ARFGEF3: variants seen among roughly 807,000 people sequenced by gnomAD.
ARFGEF3 encodes brefeldin A-inhibited guanine nucleotide-exchange protein 3.
In ARFGEF3, 96 loss-of-function variants were observed where a neutral mutation model predicts 221.7. The ratio of observed to expected loss-of-function variants is 0.43; its 90% CI spans 0.37 to 0.51. The LOEUF (loss-of-function observed/expected upper bound fraction) is 0.51, where lower values mean the gene tolerates loss of function less well. ARFGEF3 is among the 20% of genes least tolerant of loss of function. The pLI is 0.00. For synonymous variants in ARFGEF3, 1,145 were observed against 1,126.8 expected (o/e 1.02, Z -0.32); for missense variants, 2,410 against 2,789.9 (o/e 0.86, Z 3.07).
At chr6:138,275,052 A>G (rs1043204668) in intron 12 of ARFGEF3, among the ~76,000 whole-genome samples, 4 of 152,162 alleles carry the variant, frequency 2.6e-5, no homozygotes, top group African/African-American at 9.7e-5. Flanking sequence ...GGTTGCAGTG[A>G]GCTGAGATTG....
intron 22 of ARFGEF3, among the ~76,000 whole-genome samples, chr6:138,306,575 AGT>A (rs1040193123): frequency 2.0e-5 from 3 of 151,834 alleles, no homozygotes; most frequent in South Asian, 4.2e-4. Context: ...TAATAAACAC[AGT>A]GTGGTATTGG....
At chr6:138,299,997 G>A (rs985323185) in intron 22 of ARFGEF3, among the ~76,000 whole-genome samples, 2 of 150,820 alleles carry the variant, frequency 1.3e-5, no homozygotes, top group Non-Finnish European at 3.0e-5. Flanking sequence ...GTCAACTCAG[G>A]CTACAAAAGA....
Position 138,218,182 on chromosome 6 carries a change from A to G in ARFGEF3, c.351+8141A>G, listed in dbSNP as rs376330598. ...ATTGCATGGTGTGACTGTTCTATGG[A>G]ATAATCAATGAACTCTGTTGCCTTT... On this transcript the variant is annotated intron_variant, in intron 4 of 33. Coordinates refer to ENST00000251691, the MANE Select transcript of ARFGEF3 (RefSeq NM_020340.5). 11 of 1,613,788 alleles carry G rather than the reference A, an allele frequency of 6.8e-6. No individual in the cohort carries two copies. In the East Asian group the frequency reaches 2.0e-4, roughly 29 times the overall value.
intron 2 of ARFGEF3, among the ~76,000 whole-genome samples, chr6:138,183,640 G>A: frequency 6.6e-6 from 1 of 152,144 alleles, no homozygotes; most frequent in Admixed American, 6.5e-5. Context: ...GAAATGCAAT[G>A]AGGAACAGGA....
At chr6:138,333,569 G>C (rs1182672562) in intron 32 of ARFGEF3, among the ~76,000 whole-genome samples, 1 of 152,024 alleles carries the variant, frequency 6.6e-6, no homozygotes, top group East Asian at 1.9e-4. Context: ...AGCCTCCCTA[G>C]TAAGCTGGGA....
At chr6:138,218,336 T>A in intron 4 of ARFGEF3, 1 of 1,556,320 alleles carries the variant, frequency 6.4e-7, no homozygotes. Context: ...TTCTGATCTG[T>A]AAAATGTGAA....
In ARFGEF3 at chr6:138,324,109, A is replaced by G; in HGVS notation, c.4956A>G (p.Pro1652=). ...GAGTGGCGGCCCCGTCCTCCTCCCCAAGTGCCGAGGCCGAGTACTGGCGCA... is the reference window on the plus strand; with the variant it reads ...GAGTGGCGGCCCCGTCCTCCTCCCCGAGTGCCGAGGCCGAGTACTGGCGCA... ...QVRVAAPSSS[P]SAEAEYWRIR... The change falls in exon 31 of 34, where the codon CCA becomes CCG. Residue 1652 remains proline, a synonymous_variant. Coordinates refer to ENST00000251691, the MANE Select transcript of ARFGEF3 (RefSeq NM_020340.5). 1 of 1,613,752 alleles carries G rather than the reference A, an allele frequency of 6.2e-7. No individual in the cohort carries two copies. The highest frequency in any genetic ancestry group is 8.5e-7 in the Non-Finnish European group (1 of 1,179,850).
chr6:138,221,729 A>C (rs1435901773), intron 4 of ARFGEF3, among the ~76,000 whole-genome samples: 2 of 152,248 alleles, frequency 1.3e-5, no homozygotes, highest in African/African-American at 4.8e-5. Flanking sequence ...TGCTAAGGGC[A>C]TATCTGATGA....
At chr6:138,225,122 A>G (rs1329627182) in intron 4 of ARFGEF3, among the ~76,000 whole-genome samples, 1 of 152,198 alleles carries the variant, frequency 6.6e-6, no homozygotes, top group Non-Finnish European at 1.5e-5. Flanking sequence ...CACGGGAACA[A>G]CTAGGATCTG....
rs1779401653 is a variant in ARFGEF3 at position 138,291,375 on chromosome 6, G to A, written c.3048-358G>A. On this transcript the variant is annotated intron_variant, in intron 18 of 33. Coordinates refer to ENST00000251691, the MANE Select transcript of ARFGEF3 (RefSeq NM_020340.5). The surrounding 1 kb of genome is among the most constrained non-coding windows in gnomAD (Gnocchi z 4.5). ...TCAGAGCACTATATGGAGGGAAAGA[G>A]GGTGCCTGGGGAAAAATGGCTCAAA... is the stretch of plus-strand genomic sequence containing the variant. Among the ~76,000 whole-genome samples the A allele has an allele frequency of 6.6e-6, 1 of 152,166 alleles. No homozygotes were observed. The highest frequency in any genetic ancestry group is 1.5e-5 in the Non-Finnish European group (1 of 68,028).
chr6:138,296,775 G>A (rs1023177266), intron 20 of ARFGEF3, 35 bp from the exon 21 acceptor site: 2 of 1,605,302 alleles, frequency 1.2e-6, no homozygotes, highest in Non-Finnish European at 1.7e-6. Context: ...TCTGAGTTTT[G>A]GCTTTCTGGC....
intron 5 of ARFGEF3, among the ~76,000 whole-genome samples, chr6:138,232,278 A>T (rs535375676): frequency 6.6e-6 from 1 of 152,196 alleles, no homozygotes; most frequent in Non-Finnish European, 1.5e-5. Context: ...AGGCCGAGAC[A>T]GGCGGATCAC....
At position 138,201,189 on chromosome 6, in the gene ARFGEF3, G is replaced by A. The variant is rs1777529199; in HGVS notation, c.138-5853G>A. 2.6e-5 allele frequency among the ~76,000 whole-genome samples: 4 copies of A among 152,236 alleles called. No individual in the cohort carries two copies. The South Asian group carries it at 6.2e-4, about 24-fold the overall frequency. ...AAAAGTAGATGTTTTTTGTGGATGT[G>A]GTTATCAGGGAACACTTCTACACTG... On this transcript the variant is annotated intron_variant, in intron 2 of 33. Coordinates refer to ENST00000251691, the MANE Select transcript of ARFGEF3 (RefSeq NM_020340.5).
chr6:138,195,503 C>T (rs905223517), intron 2 of ARFGEF3, among the ~76,000 whole-genome samples: 1 of 152,036 alleles, frequency 6.6e-6, no homozygotes, highest in Non-Finnish European at 1.5e-5. Context: ...CAACCATGTA[C>T]GGTATATAAT....
chr6:138,185,534 T>C (rs566217225), intron 2 of ARFGEF3, among the ~76,000 whole-genome samples: 1 of 152,328 alleles, frequency 6.6e-6, no homozygotes, highest in Non-Finnish European at 1.5e-5. Context: ...CTTTTCTTCA[T>C]GTCTGGCTGT....
chr6:138,224,747 T>A (rs1317445437), intron 4 of ARFGEF3, among the ~76,000 whole-genome samples: 1 of 152,216 alleles, frequency 6.6e-6, no homozygotes, highest in Non-Finnish European at 1.5e-5. Flanking sequence ...GGTGTGTGTG[T>A]GTGCGTGTAT....
chr6:138,201,053 C>T (rs577293969), intron 2 of ARFGEF3, among the ~76,000 whole-genome samples: 18 of 152,054 alleles, frequency 1.2e-4, no homozygotes, highest in African/African-American at 3.4e-4. Flanking sequence ...TACAAATGGC[C>T]GACAAACATA....
At chr6:138,277,558 A>G (rs948808280) in intron 12 of ARFGEF3, among the ~76,000 whole-genome samples, 3 of 152,234 alleles carry the variant, frequency 2.0e-5, no homozygotes, top group African/African-American at 7.2e-5. Context: ...GAAAAGTTGT[A>G]TTAATAACTT....
Position 138,262,799 on chromosome 6 carries a change from A to T in ARFGEF3, c.1316A>T (p.Glu439Val), listed in dbSNP as rs749774774. 1.2e-6 allele frequency: 2 copies of T among 1,613,996 alleles called. No homozygotes were observed. Among genetic ancestry groups the T allele is most frequent in the East Asian group, 2.2e-5 (1 of 44,872 alleles). ...TGCACCTTGCTGGGTGCCCTGGATG[A>T]GCTCAGCCAGGGGAAGGGCTTGAGC... ...CVCTLLGALD[E>V]LSQGKGLSEG... Residue 439 changes from glutamate to valine, a missense_variant, in exon 12 of 34, where the codon GAG (glutamate) becomes GTG (valine). Transcript: ENST00000251691.
Sources: gnomAD v4.1 joint callset for allele counts (sites outside exome capture counted in the v4.1 genomes callset) on GRCh38, gnomAD v4.1.1 for gene constraint, Gnocchi (gnomAD v3.1) non-coding constraint, MANE v1.5 for transcripts, NCBI Gene and HGNC (gene_info 2026-07-23, HGNC 2026-07-21) for gene names.